GDPD4: variants seen among roughly 807,000 people sequenced by gnomAD.
GDPD4 encodes the protein glycerophosphodiester phosphodiesterase 6.
Under a neutral mutation model 67.8 loss-of-function variants are expected in GDPD4, and 60 were observed. The observed-to-expected ratio is 0.88, with a 90% confidence interval of 0.72 to 1.10. The LOEUF (loss-of-function observed/expected upper bound fraction) is 1.10. GDPD4 is among the 50% of genes least tolerant of loss of function. The probability of loss-of-function intolerance (pLI) is 0.00; values close to 1 mark genes in which losing one functional copy is unlikely to be tolerated. For missense variants in GDPD4, 623 were observed against 613.9 expected, an observed-to-expected ratio of 1.01 and a Z score of -0.16; for synonymous variants, 212 against 210.9, an observed-to-expected ratio of 1.00 and a Z score of -0.04.
At chr11:77,282,708 C>CA (rs986602008) in intron 3 of GDPD4, among the ~76,000 whole-genome samples, 124 of 144,128 alleles carry the variant, frequency 8.6e-4, no homozygotes, top group African/African-American at 1.3e-3. Flanking sequence ...ACAACAACAA[C>CA]AAAAAAAAAA....
intron 13 of GDPD4, among the ~76,000 whole-genome samples, chr11:77,240,444 A>G (rs903209328): frequency 1.3e-5 from 2 of 152,232 alleles, no homozygotes; most frequent in African/African-American, 4.8e-5. Flanking sequence ...ATGCAGAAGA[A>G]TGAAATTAGG....
intron 11 of GDPD4, among the ~76,000 whole-genome samples, chr11:77,248,226 G>A (rs577250297): frequency 1.3e-4 from 19 of 146,414 alleles, no homozygotes; most frequent in African/African-American, 3.5e-4. Flanking sequence ...TTTTTGAGAC[G>A]GAGTCCTGTT....
intron 10 of GDPD4, among the ~76,000 whole-genome samples, chr11:77,265,988 GTTCA>G (rs974251408): frequency 6.6e-6 from 1 of 152,094 alleles, no homozygotes; most frequent in Non-Finnish European, 1.5e-5. Flanking sequence ...TGTTTCAATA[GTTCA>G]TTCATTTTTA....
At chr11:77,221,276 A>G (rs1307058105) in intron 16 of GDPD4, among the ~76,000 whole-genome samples, 2 of 151,766 alleles carry the variant, frequency 1.3e-5, no homozygotes, top group African/African-American at 4.8e-5. Context: ...GCCTTCTGCT[A>G]TTAAATTTGT....
chr11:77,275,366 T>C (rs929101338), intron 5 of GDPD4, among the ~76,000 whole-genome samples: 1 of 152,182 alleles, frequency 6.6e-6, no homozygotes, highest in Non-Finnish European at 1.5e-5. Context: ...GGACCAGATA[T>C]AGACCCTGTG....
chr11:77,241,726 C>T (rs1006240269), intron 13 of GDPD4, among the ~76,000 whole-genome samples: 2 of 150,090 alleles, frequency 1.3e-5, no homozygotes, highest in Non-Finnish European at 2.9e-5. Context: ...GGGTGGATCA[C>T]GAGGTCAAGA....
At chr11:77,257,486 A>G (rs1033712125) in intron 11 of GDPD4, among the ~76,000 whole-genome samples, 4 of 146,250 alleles carry the variant, frequency 2.7e-5, no homozygotes, top group African/African-American at 9.9e-5. Flanking sequence ...CTCCCAATCT[A>G]TCGCTCATCT....
chr11:77,253,734 C>T (rs1958950430), intron 11 of GDPD4, among the ~76,000 whole-genome samples: 1 of 152,146 alleles, frequency 6.6e-6, no homozygotes, highest in African/African-American at 2.4e-5. Context: ...GGCACCATTT[C>T]CCTGCCACAC....
At chr11:77,300,409 G>T (rs938107491) in intron 1 of GDPD4, among the ~76,000 whole-genome samples, 1 of 152,060 alleles carries the variant, frequency 6.6e-6, no homozygotes, top group Non-Finnish European at 1.5e-5. Flanking sequence ...GAATTAAAAA[G>T]AAAATTTTAT....
chr11:77,258,288 C>T (rs567951724), intron 11 of GDPD4, 98 bp downstream of exon 11: 3 of 1,164,966 alleles, frequency 2.6e-6, no homozygotes, highest in Non-Finnish European at 3.8e-6. Context: ...CGTGTGGATA[C>T]TTGCCTATCT....
intron 12 of GDPD4, among the ~76,000 whole-genome samples, chr11:77,244,975 T>C (rs758031786): frequency 2.0e-5 from 3 of 152,218 alleles, no homozygotes; most frequent in Non-Finnish European, 4.4e-5. Context: ...AATGGATCTA[T>C]GTTGGTGTGG....
chr11:77,245,607 A>C (rs1958766692), intron 11 of GDPD4, 105 bp from the exon 12 acceptor site: 9 of 685,792 alleles, frequency 1.3e-5, no homozygotes, highest in South Asian at 1.3e-4. Flanking sequence ...CATTCAATCC[A>C]TCAGGCCCTC....
Position 77,287,284 on chromosome 11 carries a change from G to T in GDPD4, c.-117C>A, listed in dbSNP as rs1591579168. ...GTCTGAATTTCCAGAGGCAACTATA[G>T]CAGCCAGTAAGGAAGGTGACAAAGC... is the stretch of plus-strand genomic sequence containing the variant. On this transcript the variant is annotated 5_prime_UTR_variant, in exon 2 of 17. It introduces an in-frame stop codon into an upstream open reading frame of the 5' UTR. Coordinates refer to ENST00000315938, the MANE Select transcript of GDPD4 (RefSeq NM_182833.3). The T allele has an allele frequency of 6.6e-6, 1 of 152,204 alleles. No individual in the cohort carries two copies. The highest frequency in any genetic ancestry group is 2.4e-5 in the African/African-American group (1 of 41,448). The allele number at this position is 152,204 out of a possible 1,614,324, so 9.4% of individuals were successfully genotyped here.
At chr11:77,230,598 A>G (rs1289586358) in intron 14 of GDPD4, among the ~76,000 whole-genome samples, 1 of 152,238 alleles carries the variant, frequency 6.6e-6, no homozygotes, top group African/African-American at 2.4e-5. Context: ...GTTCATCTGG[A>G]TGTTTAAATG....
chr11:77,298,188 C>T (rs984954915), intron 1 of GDPD4, among the ~76,000 whole-genome samples: 1 of 152,038 alleles, frequency 6.6e-6, no homozygotes, highest in Non-Finnish European at 1.5e-5. Context: ...CCTTCCATTT[C>T]CTTGCAAATC....
intron 11 of GDPD4, among the ~76,000 whole-genome samples, chr11:77,257,555 A>G (rs1469588887): frequency 1.0e-4 from 2 of 20,056 alleles, no homozygotes; most frequent in East Asian, 4.0e-3. Flanking sequence ...CCTCTCCTAC[A>G]CACACACACA....
intron 13 of GDPD4, among the ~76,000 whole-genome samples, chr11:77,239,962 A>G (rs80200146): frequency 1.8e-4 from 9 of 48,728 alleles, no homozygotes; most frequent in Non-Finnish European, 7.1e-4. Flanking sequence ...ACTGCCTCAG[A>G]AAAAAAAAAA....
intron 2 of GDPD4, among the ~76,000 whole-genome samples, chr11:77,286,070 C>G (rs1412538943): frequency 6.6e-6 from 1 of 151,964 alleles, no homozygotes; most frequent in Non-Finnish European, 1.5e-5. Flanking sequence ...AACATTGGAC[C>G]CATCTCCCTC....
At chr11:77,282,967 T>C (rs1014035535) in intron 3 of GDPD4, among the ~76,000 whole-genome samples, 52 of 152,176 alleles carry the variant, frequency 3.4e-4, no homozygotes, top group Non-Finnish European at 5.9e-4. Flanking sequence ...GCTATATTAG[T>C]TATTATACAA....
Sources: gnomAD v4.1 joint callset for allele counts (sites outside exome capture counted in the v4.1 genomes callset) on GRCh38, gnomAD v4.1.1 for gene constraint, MANE v1.5 for transcripts, NCBI Gene and HGNC (gene_info 2026-07-23, HGNC 2026-07-21) for gene names.